GALNT11: variants seen among roughly 807,000 people sequenced by gnomAD.
GALNT11 encodes the protein UDP-GalNAc:polypeptide N-acetylgalactosaminyltransferase 11.
Under a neutral mutation model 72.7 loss-of-function variants are expected in GALNT11, and 47 were observed. The observed-to-expected ratio is 0.65, with a 90% CI of 0.51 to 0.82. GALNT11 has a LOEUF of 0.82. Among genes scored for constraint, GALNT11 ranks in the 40% least tolerant of loss-of-function variants. The pLI is 0.00. For synonymous variants in GALNT11, 270 were observed against 286.6 expected (o/e 0.94, Z 0.58); for missense variants, 677 against 778.4 (o/e 0.87, Z 1.55).
chr7:152,115,934 T>C (rs1457071505), intron 8 of GALNT11, among the ~76,000 whole-genome samples: 1 of 152,172 alleles, frequency 6.6e-6, no homozygotes, highest in Non-Finnish European at 1.5e-5. Context: ...CGCATGCCTG[T>C]AGTTCCAGCT....
intron 1 of GALNT11, among the ~76,000 whole-genome samples, chr7:152,090,322 TATTA>T (rs1430965422): frequency 2.0e-5 from 3 of 152,246 alleles, no homozygotes; most frequent in Non-Finnish European, 2.9e-5. Flanking sequence ...TTTCATTTTC[TATTA>T]ATTCCTGATA....
At chr7:152,044,785 CT>C (rs1207508579) in intron 1 of GALNT11, among the ~76,000 whole-genome samples, 1 of 151,454 alleles carries the variant, frequency 6.6e-6, no homozygotes, top group African/African-American at 2.4e-5. Context: ...TTATTTTATT[CT>C]CTTGTCTGAT....
At chr7:152,061,070 A>T (rs573887553) in intron 1 of GALNT11, among the ~76,000 whole-genome samples, 45 of 152,276 alleles carry the variant, frequency 3.0e-4, no homozygotes, top group Middle Eastern at 3.4e-3. Context: ...CAATGGTTGA[A>T]CTAGTTTACA....
intron 1 of GALNT11, among the ~76,000 whole-genome samples, chr7:152,065,379 C>T (rs974102178): frequency 2.0e-5 from 3 of 152,152 alleles, no homozygotes; most frequent in African/African-American, 7.2e-5. Context: ...AGCTTCTTTG[C>T]GATGCATTCG....
At chr7:152,071,291 T>C (rs10265950) in intron 1 of GALNT11, among the ~76,000 whole-genome samples, 1 of 151,254 alleles carries the variant, frequency 6.6e-6, no homozygotes, top group African/African-American at 2.4e-5. Context: ...CACCTGGGGG[T>C]GCTGTTTATA....
At chr7:152,034,403 A>C (rs1457842379) in intron 1 of GALNT11, among the ~76,000 whole-genome samples, 3 of 152,162 alleles carry the variant, frequency 2.0e-5, no homozygotes, top group African/African-American at 7.2e-5. Context: ...TGTAATTTAT[A>C]CTTCCCTCAG....
chr7:152,100,488 C>T (rs1376229325), intron 2 of GALNT11, among the ~76,000 whole-genome samples: 1 of 151,826 alleles, frequency 6.6e-6, no homozygotes, highest in African/African-American at 2.4e-5. Flanking sequence ...ATCGCTTGAA[C>T]CAGGGAGTTG....
intron 1 of GALNT11, among the ~76,000 whole-genome samples, chr7:152,031,573 G>C (rs6946708): frequency 0.16 from 24,119 of 152,122 alleles, 4,641 homozygotes; most frequent in African/African-American, 0.46. Flanking sequence ...ACTAGGATGG[G>C]TACTGCTGCA....
At position 152,105,225 on chromosome 7, in the gene GALNT11, T is replaced by C. The variant is rs1407894489; in HGVS notation, c.587-20T>C. ...TATATGTCTCATACAGTTTGAATAATTGTGGGACTTTATTTTCAGATGATT... is the reference window on the plus strand; with the variant it reads ...TATATGTCTCATACAGTTTGAATAACTGTGGGACTTTATTTTCAGATGATT... On this transcript the variant is annotated intron_variant, in intron 4 of 11. Transcript: ENST00000430044. 2.5e-6 allele frequency: 4 copies of C among 1,610,350 alleles called. No homozygotes were observed. In the South Asian group the frequency reaches 3.3e-5, roughly 13 times the overall value.
Position 152,094,373 on chromosome 7 carries a change from G to A in GALNT11, c.146G>A (p.Gly49Glu). The change falls in exon 2 of 12, where the codon GGA (glycine) becomes GAA (glutamate). Residue 49 changes from glycine to glutamate, a missense_variant. Coordinates refer to ENST00000430044, the MANE Select transcript of GALNT11 (RefSeq NM_022087.4). The surrounding 1 kb of genome is among the most constrained non-coding windows in gnomAD (Gnocchi z 4.3). ...NVPVKGSGPHGPSPKKFYPRF... is the reference protein window; with the variant it reads ...NVPVKGSGPHEPSPKKFYPRF... ...CCCGTCAAGGGGTCTGGGCCCCACGGACCATCTCCAAAAAAATTCTATCCC... is the reference window on the plus strand; with the variant it reads ...CCCGTCAAGGGGTCTGGGCCCCACGAACCATCTCCAAAAAAATTCTATCCC... 6.2e-7 allele frequency: 1 copy of A among 1,614,060 alleles called. No individual in the cohort carries two copies. The highest frequency in any genetic ancestry group is 8.5e-7 in the Non-Finnish European group (1 of 1,180,020).
intron 2 of GALNT11, among the ~76,000 whole-genome samples, chr7:152,097,817 G>A (rs1055475614): frequency 8.5e-5 from 13 of 152,224 alleles, no homozygotes; most frequent in Non-Finnish European, 1.6e-4. Flanking sequence ...GGAGACAGAA[G>A]GCAAATGAGT....
At chr7:152,035,477 G>A (rs1298231718) in intron 1 of GALNT11, among the ~76,000 whole-genome samples, 3 of 152,152 alleles carry the variant, frequency 2.0e-5, no homozygotes, top group Non-Finnish European at 2.9e-5. Flanking sequence ...ACATGACTTC[G>A]AGAGTTCTGC....
At chr7:152,061,191 T>C (rs1563052202) in intron 1 of GALNT11, among the ~76,000 whole-genome samples, 2 of 152,206 alleles carry the variant, frequency 1.3e-5, no homozygotes, top group Admixed American at 6.5e-5. Context: ...TGGTATCTCA[T>C]TGTGGTTTTG....
Position 152,043,941 on chromosome 7 carries a change from C to G in GALNT11, c.-39+18057C>G, listed in dbSNP as rs76586535. Among the ~76,000 whole-genome samples, 1,023 of 152,322 alleles carry G rather than the reference C, an allele frequency of 6.7e-3. 47 individuals are homozygous for G. The East Asian group carries it at 0.12, about 19-fold the overall frequency. On this transcript the variant is annotated intron_variant, in intron 1 of 11. Coordinates refer to ENST00000430044, the MANE Select transcript of GALNT11 (RefSeq NM_022087.4). Reference sequence around the variant, plus strand: ...CAAGCTCCCCTTCTTACCACAGGGACTGCTTAAGAGTACTTGGGTGTCCTC... The same window carrying G: ...CAAGCTCCCCTTCTTACCACAGGGAGTGCTTAAGAGTACTTGGGTGTCCTC...
chr7:152,114,458 A>G (rs2088620913), intron 8 of GALNT11, among the ~76,000 whole-genome samples: 1 of 152,166 alleles, frequency 6.6e-6, no homozygotes, highest in Admixed American at 6.5e-5. Flanking sequence ...GTGCCGTTCC[A>G]TGTATGGGTC....
chr7:152,070,218 G>A (rs10246444), intron 1 of GALNT11, among the ~76,000 whole-genome samples: 5,184 of 152,022 alleles, frequency 0.034, 299 homozygotes, highest in African/African-American at 0.12. Flanking sequence ...GGATGGTCTC[G>A]ATCTCCTGAC....
chr7:152,079,561 A>C (rs140014326), intron 1 of GALNT11, among the ~76,000 whole-genome samples: 109 of 152,332 alleles, frequency 7.2e-4, no homozygotes, highest in African/African-American at 2.6e-3. Context: ...CGATTGTCTT[A>C]CAGAGAAGAG....
chr7:152,054,816 G>A (rs2083579884), intron 1 of GALNT11, among the ~76,000 whole-genome samples: 1 of 152,098 alleles, frequency 6.6e-6, no homozygotes, highest in African/African-American at 2.4e-5. Context: ...ACTGAGCTTG[G>A]CATGTTCATG....
chr7:152,026,628 C>T (rs761234072), intron 1 of GALNT11, among the ~76,000 whole-genome samples: 39 of 152,252 alleles, frequency 2.6e-4, no homozygotes, highest in African/African-American at 8.9e-4. Flanking sequence ...AATGCAGATT[C>T]ACTGAGCCAG....
Sources: allele counts gnomAD v4.1 joint callset (sites outside exome capture counted in the v4.1 genomes callset), GRCh38; gene constraint gnomAD v4.1.1; non-coding constraint Gnocchi (gnomAD v3.1); transcripts MANE v1.5; gene names NCBI Gene and HGNC (gene_info 2026-07-23, HGNC 2026-07-21).